The following BRINP3 variants were observed in gnomAD, a reference collection of about 807,000 sequenced individuals.
BRINP3 encodes BMP/retinoic acid-inducible neural-specific protein 3.
In BRINP3, 19 loss-of-function variants were observed where a neutral mutation model predicts 71.0. That is an observed-to-expected ratio of 0.27 (90% CI 0.19 to 0.39). The LOEUF is 0.39. BRINP3 is among the 10% of genes least tolerant of loss of function. The probability of loss-of-function intolerance (pLI) is 1.00; values close to 1 mark genes in which losing one functional copy is unlikely to be tolerated. For synonymous variants in BRINP3, 380 were observed against 337.7 expected (o/e 1.13, Z -1.37); for missense variants, 959 against 940.8 (o/e 1.02, Z -0.25).
intron 2 of BRINP3, among the ~76,000 whole-genome samples, chr1:190,449,783 C>G (rs996002939): frequency 1.3e-5 from 2 of 152,056 alleles, no homozygotes; most frequent in South Asian, 2.1e-4. Flanking sequence ...CTCTGACATT[C>G]ATTTCTCTGA....
At chr1:190,143,263 C>A (rs1655609742) in intron 7 of BRINP3, among the ~76,000 whole-genome samples, 1 of 151,974 alleles carries the variant, frequency 6.6e-6, no homozygotes, top group Non-Finnish European at 1.5e-5. Flanking sequence ...AGACTGCTGG[C>A]TTTCGGAAGA....
At chr1:190,214,489 T>C (rs1656238943) in intron 6 of BRINP3, among the ~76,000 whole-genome samples, 1 of 151,948 alleles carries the variant, frequency 6.6e-6, no homozygotes, top group Admixed American at 6.6e-5. Flanking sequence ...TGTAGAGTCA[T>C]TGGAACTTCT....
intron 2 of BRINP3, among the ~76,000 whole-genome samples, chr1:190,436,099 G>T (rs952192204): frequency 6.6e-6 from 1 of 151,692 alleles, no homozygotes; most frequent in Non-Finnish European, 1.5e-5. Flanking sequence ...TTATAATACT[G>T]GTTCCACATC....
chr1:190,325,937 C>T (rs1000445420), intron 2 of BRINP3, among the ~76,000 whole-genome samples: 2 of 151,842 alleles, frequency 1.3e-5, no homozygotes, highest in Admixed American at 6.6e-5. Flanking sequence ...GTGTGAGTTC[C>T]CTGAAGGTCA....
In BRINP3 at chr1:190,441,716, A is replaced by T. The variant is rs374157484; in HGVS notation, c.236+12939T>A. On this transcript the variant is annotated intron_variant, in intron 2 of 7. Transcript: ENST00000367462. ...ATAGGTCAAATATGTTTTTATTATTATTTTTAATGAGATATGGACACATGC... is the reference window on the plus strand; with the variant it reads ...ATAGGTCAAATATGTTTTTATTATTTTTTTTAATGAGATATGGACACATGC... Among the ~76,000 whole-genome samples the T allele has an allele frequency of 3.9e-5, 6 of 152,192 alleles. 1 individual carries two copies. The East Asian group carries it at 1.2e-3, about 29-fold the overall frequency.
At chr1:190,140,999 GACCAGTTGT>G (rs1238225937) in intron 7 of BRINP3, among the ~76,000 whole-genome samples, 1 of 152,106 alleles carries the variant, frequency 6.6e-6, no homozygotes, top group African/African-American at 2.4e-5. Context: ...ATAGGAACTT[GACCAGTTGT>G]ACCTCCTCTT....
chr1:190,291,554 T>C lies in BRINP3; in HGVS notation c.237-9804A>G, dbSNP rs181187475. On this transcript the variant is annotated intron_variant, in intron 2 of 7. Transcript: ENST00000367462. ...AAGTGGCCACCATTTTAATAAAAAA[T>C]ATTCAACATCACTAATCATCAGGGA... 3.3e-5 allele frequency among the ~76,000 whole-genome samples: 5 copies of C among 152,254 alleles called. No homozygotes were observed. In the East Asian group the frequency reaches 9.7e-4, roughly 29 times the overall value.
At chr1:190,402,960 C>G (rs1228574877) in intron 2 of BRINP3, among the ~76,000 whole-genome samples, 1 of 152,124 alleles carries the variant, frequency 6.6e-6, no homozygotes, top group Middle Eastern at 3.2e-3. Flanking sequence ...CTGCTGAGTT[C>G]AAGCTACCTG....
rs74130716 is a variant in BRINP3 at position 190,376,054 on chromosome 1, C to A, written c.236+78601G>T. On this transcript the variant is annotated intron_variant, in intron 2 of 7. Transcript: ENST00000367462. The stretch of plus-strand genomic sequence containing the variant: ...GAATCCTTCTAATGACTGTGGACAT[C>A]TTTAAATTTTAAGGCACTCACAGTT... Among the ~76,000 whole-genome samples, 1,098 of 152,062 alleles carry A rather than the reference C, an allele frequency of 7.2e-3. 16 individuals carry two copies. Among genetic ancestry groups the A allele is most frequent in the African/African-American group, 0.025 (1,023 of 41,532 alleles).
chr1:190,138,159 G>A (rs887671283), intron 7 of BRINP3, among the ~76,000 whole-genome samples: 2 of 151,924 alleles, frequency 1.3e-5, no homozygotes, highest in Non-Finnish European at 2.9e-5. Context: ...TCTCCATGTT[G>A]GTCAGTCTGG....
intron 4 of BRINP3, among the ~76,000 whole-genome samples, chr1:190,245,875 T>G (rs962768695): frequency 4.6e-5 from 7 of 151,356 alleles, no homozygotes; most frequent in Admixed American, 3.3e-4. Flanking sequence ...GTCCTTGCGA[T>G]AGTTTGCTGA....
intron 4 of BRINP3, among the ~76,000 whole-genome samples, chr1:190,245,848 C>T (rs539347935): frequency 1.4e-5 from 2 of 147,902 alleles, no homozygotes; most frequent in African/African-American, 5.0e-5. Context: ...TGAGAACATG[C>T]GGTGTTTGGT....
intron 7 of BRINP3, among the ~76,000 whole-genome samples, chr1:190,151,265 A>G (rs1656371251): frequency 6.6e-6 from 1 of 152,198 alleles, no homozygotes; most frequent in African/African-American, 2.4e-5. Context: ...TATAGATGAG[A>G]CCTATTAGAG....
intron 6 of BRINP3, among the ~76,000 whole-genome samples, chr1:190,163,478 A>AT (rs1651200824): frequency 6.6e-6 from 1 of 152,076 alleles, no homozygotes; most frequent in African/African-American, 2.4e-5. Flanking sequence ...TCATGGCATA[A>AT]TTTTGAGGAC....
intron 7 of BRINP3, among the ~76,000 whole-genome samples, chr1:190,139,451 CAAAAAAAAAAAAA>C (rs11315431): frequency 1.1e-5 from 1 of 87,594 alleles, no homozygotes; most frequent in East Asian, 3.6e-4. Context: ...GACTCTGTCT[CAAAAAAAAAAAAA>C]AAAAAAGAAA....
chr1:190,360,193 CT>C (rs1669046222), intron 2 of BRINP3, among the ~76,000 whole-genome samples: 2 of 152,166 alleles, frequency 1.3e-5, no homozygotes, highest in Non-Finnish European at 2.9e-5. Flanking sequence ...GTTATTCAGC[CT>C]TTCTAAAGTG....
intron 2 of BRINP3, among the ~76,000 whole-genome samples, chr1:190,373,348 C>T (rs530351156): frequency 6.6e-6 from 1 of 151,750 alleles, no homozygotes; most frequent in African/African-American, 2.4e-5. Context: ...CGAGATAGCG[C>T]CATTTCACTC....
intron 6 of BRINP3, among the ~76,000 whole-genome samples, chr1:190,191,154 T>C (rs1044312547): frequency 6.6e-6 from 1 of 152,050 alleles, no homozygotes; most frequent in Non-Finnish European, 1.5e-5. Context: ...ACAAGAAAAA[T>C]AGTTTTCTAT....
intron 2 of BRINP3, among the ~76,000 whole-genome samples, chr1:190,336,792 C>G (rs1305035656): frequency 6.3e-5 from 8 of 127,464 alleles, no homozygotes; most frequent in African/African-American, 2.4e-4. Flanking sequence ...CTCCCTCCCT[C>G]CCTTCCCTCC....
Sources: allele counts gnomAD v4.1 joint callset (sites outside exome capture counted in the v4.1 genomes callset), GRCh38; gene constraint gnomAD v4.1.1; transcripts MANE v1.5; gene names NCBI Gene and HGNC (gene_info 2026-07-23, HGNC 2026-07-21).